Variants in DPP4 observed in about 807,000 individuals in gnomAD.
DPP4 encodes ADCP-2.
In DPP4, 93 loss-of-function variants were observed where a neutral mutation model predicts 122.4. The ratio of observed to expected loss-of-function variants is 0.76; its 90% CI spans 0.64 to 0.90. The LOEUF is 0.90. DPP4 is among the 40% of genes least tolerant of loss of function. The probability of loss-of-function intolerance (pLI) is 0.00; values close to 1 mark genes in which losing one functional copy is unlikely to be tolerated. For synonymous variants in DPP4, 321 were observed against 302.9 expected, an observed-to-expected ratio of 1.06 and a Z score of -0.62; for missense variants, 914 against 907.3, an observed-to-expected ratio of 1.01 and a Z score of -0.09.
At chr2:161,998,150 G>A (rs937501011) in intron 23 of DPP4, among the ~76,000 whole-genome samples, 1 of 152,168 alleles carries the variant, frequency 6.6e-6, no homozygotes, top group African/African-American at 2.4e-5. Flanking sequence ...GTGACGTATA[G>A]CCTAATGGGG....
At chr2:162,041,603 T>C (rs758328945) in intron 5 of DPP4, among the ~76,000 whole-genome samples, 16 of 152,154 alleles carry the variant, frequency 1.1e-4, no homozygotes, top group Non-Finnish European at 2.4e-4. Flanking sequence ...CTGGATTATT[T>C]TGACACACCC....
At chr2:162,009,133 G>T in intron 21 of DPP4, 108 bp downstream of exon 21, 2 of 1,152,566 alleles carry the variant, frequency 1.7e-6, no homozygotes, top group Middle Eastern at 1.9e-4. Flanking sequence ...CCTAAGACTT[G>T]ATAGATGTGA....
In DPP4 at chr2:162,069,329, G is replaced by A. The variant is rs138891733; in HGVS notation, c.94+4070C>T. Among the ~76,000 whole-genome samples, 1,340 of 152,182 alleles carry A rather than the reference G, an allele frequency of 8.8e-3. 24 individuals carry two copies. Among genetic ancestry groups the A allele is most frequent in the African/African-American group, 0.03 (1,251 of 41,498 alleles). On this transcript the variant is annotated intron_variant, in intron 2 of 25. Transcript: ENST00000360534. ...ATGCCTTCTCTTCCTCAAGCAAGGC[G>A]CTCCTGCATGTTATTTACAGCCACA...
intron 22 of DPP4, among the ~76,000 whole-genome samples, chr2:162,007,226 A>G (rs1701303553): frequency 1.3e-5 from 2 of 152,084 alleles, no homozygotes; most frequent in African/African-American, 4.8e-5. Context: ...TTAGCATTTA[A>G]ATATTAATAT....
intron 18 of DPP4, among the ~76,000 whole-genome samples, chr2:162,016,309 A>G (rs1473155161): frequency 6.6e-6 from 1 of 152,142 alleles, no homozygotes; most frequent in Non-Finnish European, 1.5e-5. Context: ...GGACCACACT[A>G]TGGGAGGTCA....
At chr2:162,033,467 A>T in intron 10 of DPP4, 74 bp downstream of exon 10, 1 of 1,134,238 alleles carries the variant, frequency 8.8e-7, no homozygotes. Flanking sequence ...CCACTTTGCC[A>T]TTCACTTTTG....
rs1052969932 is a variant in DPP4 at position 162,016,848 on chromosome 2, T to C, written c.1487A>G (p.Asp496Gly). The change falls in exon 18 of 26, where the codon GAC becomes GGC. Residue 496 changes from aspartate (D) to glycine (G), a missense_variant. Asp to Gly is a moderately conservative substitution (Grantham distance 94). Coordinates refer to ENST00000360534, the MANE Select transcript of DPP4 (RefSeq NM_001935.4). ...CAGCATTTTATCCAAAGCTGAATTGTCTTCCAGGACTCTCAGCCCTAAAGA... is the reference window on the plus strand; with the variant it reads ...CAGCATTTTATCCAAAGCTGAATTGCCTTCCAGGACTCTCAGCCCTAAAGA... ...VNDKGLRVLE[D>G]NSALDKMLQN... 7.4e-6 allele frequency: 12 copies of C among 1,611,898 alleles called. No homozygotes were observed. Among genetic ancestry groups the C allele is most frequent in the Non-Finnish European group, 9.3e-6 (11 of 1,179,520 alleles).
At chr2:162,012,595 T>C (rs946166117) in intron 19 of DPP4, among the ~76,000 whole-genome samples, 3 of 152,122 alleles carry the variant, frequency 2.0e-5, no homozygotes, top group African/African-American at 4.8e-5. Context: ...GCATTCTATA[T>C]ACTAACAAGT....
chr2:162,005,024 A>C (rs1701246827), intron 23 of DPP4, among the ~76,000 whole-genome samples: 1 of 152,222 alleles, frequency 6.6e-6, no homozygotes, highest in Non-Finnish European at 1.5e-5. Flanking sequence ...AAAGTGCCAG[A>C]AGGGTCCCTA....
In DPP4 at chr2:162,027,423, A is replaced by G. The variant is rs553115498; in HGVS notation, c.888-2484T>C. On this transcript the variant is annotated intron_variant, in intron 10 of 25. Coordinates refer to ENST00000360534, the MANE Select transcript of DPP4 (RefSeq NM_001935.4). ...ATGGGCAGTGGACTGCATTTGGCCC[A>G]TAAACCCTAGTGTGTTAACCCCTGT... 5.3e-5 allele frequency among the ~76,000 whole-genome samples: 8 copies of G among 152,120 alleles called. No homozygotes were observed. In the East Asian group the frequency reaches 1.5e-3, roughly 29 times the overall value.
intron 1 of DPP4, 132 bp from the exon 2 acceptor site, chr2:162,073,618 G>T: frequency 1.2e-6 from 1 of 840,864 alleles, no homozygotes; most frequent in Non-Finnish European, 2.0e-6. Flanking sequence ...ACCGCGGGCT[G>T]GGGGTGGGGG....
intron 5 of DPP4, among the ~76,000 whole-genome samples, chr2:162,042,251 G>T (rs1040129677): frequency 6.6e-6 from 1 of 152,218 alleles, no homozygotes; most frequent in African/African-American, 2.4e-5. Context: ...GCATGAGAAT[G>T]CATGAGAAGC....
chr2:162,030,247 G>A (rs1683495616), intron 10 of DPP4, among the ~76,000 whole-genome samples: 1 of 152,176 alleles, frequency 6.6e-6, no homozygotes, highest in African/African-American at 2.4e-5. Context: ...ATCAACTTTA[G>A]CACTAAATCA....
intron 12 of DPP4, among the ~76,000 whole-genome samples, chr2:162,021,117 G>T (rs1683110067): frequency 6.6e-6 from 1 of 152,126 alleles, no homozygotes; most frequent in African/African-American, 2.4e-5. Context: ...CAGGTTGGGG[G>T]TGGTTTGCAA....
intron 20 of DPP4, among the ~76,000 whole-genome samples, chr2:162,009,513 T>TTGTG (rs57878632): frequency 0.045 from 6,470 of 144,280 alleles, 152 homozygotes; most frequent in Middle Eastern, 0.066. Flanking sequence ...TTCATAAAAA[T>TTGTG]TGTGTGTGTG....
Position 162,033,601 on chromosome 2 carries a change from A to T in DPP4, c.827T>A (p.Leu276His). 1 of 1,613,444 alleles carries T rather than the reference A, an allele frequency of 6.2e-7. No homozygotes were observed. The part of the protein sequence containing the change: ...VKFFVVNTDS[L>H]SSVTNATSIQ... ...GGAAGTTGCATTGGTGACTGAGCTG[A>T]GAGAGTCTGTATTTACAACAAAGAA... is the stretch of plus-strand genomic sequence containing the variant. Residue 276 changes from leucine (L) to histidine (H), a missense_variant, in exon 10 of 26, where the codon CTC becomes CAC. By Grantham distance (99) the Leu-to-His change is moderately conservative. Coordinates refer to ENST00000360534, the MANE Select transcript of DPP4 (RefSeq NM_001935.4).
At chr2:161,993,564 C>G (rs538515118) in intron 25 of DPP4, among the ~76,000 whole-genome samples, 180 bp from the exon 26 acceptor site, 2 of 152,272 alleles carry the variant, frequency 1.3e-5, no homozygotes, top group South Asian at 4.1e-4. Context: ...TCCCCCAGAG[C>G]TTTTCCAGGG....
At chr2:162,044,322 T>TA (rs1684098547) in intron 5 of DPP4, among the ~76,000 whole-genome samples, 1 of 152,136 alleles carries the variant, frequency 6.6e-6, no homozygotes, top group Admixed American at 6.6e-5. Flanking sequence ...GGGTAAATAT[T>TA]ACGATTAACA....
intron 3 of DPP4, 145 bp from the exon 4 acceptor site, chr2:162,047,151 T>C: frequency 3.6e-6 from 2 of 553,388 alleles, no homozygotes; most frequent in Non-Finnish European, 3.2e-6. Flanking sequence ...TATACTAACA[T>C]TCATTCATTT....
Sources: allele counts gnomAD v4.1 joint callset (sites outside exome capture counted in the v4.1 genomes callset), GRCh38; gene constraint gnomAD v4.1.1; transcripts MANE v1.5; gene names NCBI Gene and HGNC (gene_info 2026-07-23, HGNC 2026-07-21).